Variants in NLGN1 observed in about 807,000 individuals in gnomAD.
The protein encoded by NLGN1 is neuroligin 1.
A neutral mutation model predicts 65.5 loss-of-function variants in NLGN1; 12 were observed. That is an observed-to-expected ratio of 0.18 (90% CI 0.12 to 0.30). NLGN1 has a LOEUF of 0.30. Among genes scored for constraint, NLGN1 ranks in the 10% least tolerant of loss-of-function variants. The pLI, the probability that NLGN1 is intolerant of heterozygous loss-of-function variation, is 1.00. For missense variants in NLGN1, 750 were observed against 1,007.1 expected (o/e 0.74, Z 3.46); for synonymous variants, 350 against 359.5 (o/e 0.97, Z 0.30).
intron 2 of NLGN1, among the ~76,000 whole-genome samples, chr3:173,592,579 A>AGTTTAATT (rs1485265256): frequency 6.6e-6 from 1 of 152,158 alleles, no homozygotes; most frequent in Non-Finnish European, 1.5e-5. Flanking sequence ...CCTGGCTGCA[A>AGTTTAATT]GTTTAATTAA....
intron 4 of NLGN1, among the ~76,000 whole-genome samples, chr3:174,012,219 C>G (rs548469419): frequency 3.0e-4 from 46 of 152,302 alleles, no homozygotes; most frequent in African/African-American, 1.0e-3. Context: ...ATCTCCCATA[C>G]TTACACCCCA....
chr3:173,491,525 A>G (rs534132311), intron 2 of NLGN1, among the ~76,000 whole-genome samples: 11 of 151,892 alleles, frequency 7.2e-5, no homozygotes, highest in South Asian at 2.1e-4. Flanking sequence ...TTTTGCATCA[A>G]TGGTCATCAA....
chr3:173,902,999 G>T (rs1252490209), intron 4 of NLGN1, among the ~76,000 whole-genome samples: 1 of 151,970 alleles, frequency 6.6e-6, no homozygotes, highest in Non-Finnish European at 1.5e-5. Flanking sequence ...GGAATTTGAG[G>T]GCTTACCACC....
intron 4 of NLGN1, among the ~76,000 whole-genome samples, chr3:173,873,220 C>T (rs1459679362): frequency 6.6e-6 from 1 of 151,896 alleles, no homozygotes; most frequent in Non-Finnish European, 1.5e-5. Flanking sequence ...TCCCAAGTAG[C>T]TGGGATTACA....
At chr3:173,704,954 T>G (rs1767820543) in intron 3 of NLGN1, among the ~76,000 whole-genome samples, 3 of 152,208 alleles carry the variant, frequency 2.0e-5, no homozygotes, top group Non-Finnish European at 4.4e-5. Context: ...TACCATGTAA[T>G]CAATAACACA....
intron 2 of NLGN1, among the ~76,000 whole-genome samples, chr3:173,513,878 AT>A (rs372078871): frequency 0.012 from 1,834 of 151,944 alleles, 47 homozygotes; most frequent in South Asian, 0.054. Flanking sequence ...ATACAAAAAA[AT>A]TAGCCGGGTG....
At chr3:174,236,799 A>G (rs1191246619) in intron 4 of NLGN1, among the ~76,000 whole-genome samples, 2 of 152,010 alleles carry the variant, frequency 1.3e-5, no homozygotes, top group South Asian at 2.1e-4. Flanking sequence ...AACTTTTGTT[A>G]TTTTATTATT....
chr3:173,922,580 T>G (rs2152267323), intron 4 of NLGN1, among the ~76,000 whole-genome samples: 1 of 152,284 alleles, frequency 6.6e-6, no homozygotes, highest in East Asian at 1.9e-4. Flanking sequence ...TGGGTACATT[T>G]TTTCAAGCTG....
In NLGN1 at chr3:173,895,483, C is replaced by T. The variant is rs574405201; in HGVS notation, c.646+87651C>T. 2.6e-5 allele frequency among the ~76,000 whole-genome samples: 4 copies of T among 151,998 alleles called. No homozygotes were observed. In the South Asian group the frequency reaches 6.2e-4, roughly 24 times the overall value. ...TTTTAAAATATTTCCTTTCAGACAC[C>T]ATATAACAGGGTACTCAGAGAACTC... On this transcript the variant is annotated intron_variant, in intron 4 of 6. Coordinates refer to ENST00000457714, the Ensembl canonical transcript of NLGN1.
intron 2 of NLGN1, among the ~76,000 whole-genome samples, chr3:173,464,485 G>A (rs1213950566): frequency 6.9e-6 from 1 of 145,950 alleles, no homozygotes; most frequent in Non-Finnish European, 1.5e-5. Context: ...GCCCAGGCTG[G>A]AGTGCAATGG....
At chr3:174,188,693 C>T (rs6445148) in intron 4 of NLGN1, among the ~76,000 whole-genome samples, 114,671 of 151,862 alleles carry the variant, frequency 0.76, 43,365 homozygotes, top group East Asian at 0.8. Flanking sequence ...TATAAACTCA[C>T]CCTTTTTTTC....
intron 4 of NLGN1, among the ~76,000 whole-genome samples, chr3:173,821,540 A>T (rs1011745077): frequency 6.6e-6 from 1 of 152,136 alleles, no homozygotes; most frequent in African/African-American, 2.4e-5. Context: ...TTTTTCCTTA[A>T]AATATACCAC....
intron 2 of NLGN1, among the ~76,000 whole-genome samples, chr3:173,481,635 A>C (rs1387824056): frequency 6.8e-6 from 1 of 148,142 alleles, no homozygotes; most frequent in Non-Finnish European, 1.5e-5. Context: ...AATTCAAGTA[A>C]TTTATTATAT....
intron 4 of NLGN1, among the ~76,000 whole-genome samples, chr3:174,080,095 A>C (rs1199184104): frequency 6.6e-6 from 1 of 152,238 alleles, no homozygotes; most frequent in Non-Finnish European, 1.5e-5. Flanking sequence ...TACTCTCCAC[A>C]TATTACATTT....
chr3:174,259,378 G>GCT (rs1222191543), intron 4 of NLGN1, among the ~76,000 whole-genome samples: 8 of 150,052 alleles, frequency 5.3e-5, no homozygotes, highest in South Asian at 2.1e-4. Context: ...TCTCTCTCTT[G>GCT]CTCTCTCTCT....
rs749749824 is a variant in NLGN1, at chr3:173,747,801, CTTTTTTTTTT to C, written c.494-59858_494-59849del. ...AATTTTCTTTCTTCTTCTTCTTGTT[CTTTTTTTTTT>C]TTTTTTTTTTTTTTTTTTTTGAGAC... On this transcript the variant is annotated intron_variant, in intron 3 of 6. Transcript: ENST00000457714. Among the ~76,000 whole-genome samples, 75 of 64,424 alleles carry C rather than the reference CTTTTTTTTTT, an allele frequency of 1.2e-3. 1 individual carries two copies. Among genetic ancestry groups the C allele is most frequent in the African/African-American group, 3.7e-3 (60 of 16,098 alleles). The allele number at this position is 64,424 out of a possible 152,430, so 42.3% of individuals were successfully genotyped here.
rs1282369884 is a variant in NLGN1 at position 173,440,496 on chromosome 3, G to C, written c.-321+5418G>C. ...GTGTATTTCTTAAATAATAAGACTT[G>C]AAAGTTGAAATTCCCTCTTAATCTA... On this transcript the variant is annotated intron_variant, in intron 2 of 6. Coordinates refer to ENST00000457714, the Ensembl canonical transcript of NLGN1. Among the ~76,000 whole-genome samples, 3 of 152,104 alleles carry C rather than the reference G, an allele frequency of 2.0e-5. No individual in the cohort carries two copies. The East Asian group carries it at 5.8e-4, about 29-fold the overall frequency.
intron 3 of NLGN1, among the ~76,000 whole-genome samples, chr3:173,636,147 A>G (rs1332619129): frequency 6.6e-6 from 1 of 152,172 alleles, no homozygotes; most frequent in Non-Finnish European, 1.5e-5. Context: ...GTTGTTTAGT[A>G]GAATGTAATT....
chr3:173,428,267 T>G (rs1716520251), intron 1 of NLGN1, among the ~76,000 whole-genome samples: 1 of 151,906 alleles, frequency 6.6e-6, no homozygotes, highest in South Asian at 2.1e-4. Context: ...TAATTTAGTT[T>G]ATTACATTCA....
Sources: allele counts gnomAD v4.1 joint callset (sites outside exome capture counted in the v4.1 genomes callset), GRCh38; gene constraint gnomAD v4.1.1; transcripts MANE v1.5; gene names NCBI Gene and HGNC (gene_info 2026-07-23, HGNC 2026-07-21).